The following TEX36 variants were observed in gnomAD, a reference collection of about 807,000 sequenced individuals.
The protein encoded by TEX36 is testis expressed 36, also known as testis-expressed protein 36.
A neutral mutation model predicts 13.6 loss-of-function variants in TEX36; 12 were observed. That is an observed-to-expected ratio of 0.88 (90% CI 0.56 to 1.43). The LOEUF is 1.43. Ranked by LOEUF, TEX36 falls within the 40% of genes most tolerant of loss-of-function variation. TEX36 has a pLI of 0.00. For synonymous variants in TEX36, 93 were observed against 83.0 expected (o/e 1.12, Z -0.65); for missense variants, 224 against 228.3 (o/e 0.98, Z 0.12).
intron 3 of TEX36, among the ~76,000 whole-genome samples, chr10:125,640,993 A>T (rs1227664106): frequency 6.7e-6 from 1 of 149,610 alleles, no homozygotes; most frequent in East Asian, 2.0e-4. Flanking sequence ...GGAATCTTCA[A>T]TATGGGACCA....
chr10:125,632,478 C>T (rs923400602), intron 3 of TEX36, among the ~76,000 whole-genome samples: 5 of 152,118 alleles, frequency 3.3e-5, no homozygotes, highest in Admixed American at 1.3e-4. Flanking sequence ...GCTGGATAAA[C>T]GGCTCTCTAC....
intron 3 of TEX36, chr10:125,640,255 TTTGTGTTC>T: frequency 2.0e-6 from 2 of 975,634 alleles, no homozygotes; most frequent in Non-Finnish European, 2.4e-6. Context: ...GAAAATAGGA[TTTGTGTTC>T]TTGTGCCTGT....
intron 3 of TEX36, among the ~76,000 whole-genome samples, chr10:125,659,454 G>A (rs1846996651): frequency 6.6e-6 from 1 of 152,212 alleles, no homozygotes; most frequent in African/African-American, 2.4e-5. Context: ...AAATAAGGGT[G>A]TGAATTTATT....
intron 3 of TEX36, among the ~76,000 whole-genome samples, chr10:125,642,914 G>T (rs2133577211): frequency 6.6e-6 from 1 of 152,306 alleles, no homozygotes; most frequent in Non-Finnish European, 1.5e-5. Flanking sequence ...TCTATGACAA[G>T]TGATCTCAAT....
At chr10:125,626,974 C>T (rs1190850452) in intron 3 of TEX36, among the ~76,000 whole-genome samples, 1 of 152,072 alleles carries the variant, frequency 6.6e-6, no homozygotes, top group South Asian at 2.1e-4. Context: ...AGGGAGTTTC[C>T]GGAGGGGGCT....
chr10:125,623,580 A>G (rs1464142057), intron 3 of TEX36, among the ~76,000 whole-genome samples: 1 of 97,148 alleles, frequency 1.0e-5, no homozygotes, highest in African/African-American at 5.3e-5. Flanking sequence ...TTTCCAAATG[A>G]AAAAAAAAAA....
intron 1 of TEX36, among the ~76,000 whole-genome samples, chr10:125,662,885 T>A (rs1022593367): frequency 6.6e-6 from 1 of 152,148 alleles, no homozygotes; most frequent in African/African-American, 2.4e-5. Flanking sequence ...CTAGCTCTTA[T>A]GGCAAGAGAA....
chr10:125,655,579 G>T, downstream of TEX36: 1 of 711,644 alleles, frequency 1.4e-6, no homozygotes, highest in Non-Finnish European at 1.8e-6. Context: ...AGGACATACA[G>T]GATTGGAGAT....
At chr10:125,605,868 C>T (rs1335992871) in intron 3 of TEX36, among the ~76,000 whole-genome samples, 2 of 152,248 alleles carry the variant, frequency 1.3e-5, no homozygotes, top group Non-Finnish European at 2.9e-5. Flanking sequence ...TCCCAAAGGG[C>T]TGGGCTTACA....
chr10:125,674,075 C>T (rs1447754364), intron 1 of TEX36, among the ~76,000 whole-genome samples: 2 of 152,188 alleles, frequency 1.3e-5, no homozygotes, highest in Non-Finnish European at 2.9e-5. Context: ...TAGGTTTGGT[C>T]TTATTACATA....
intron 3 of TEX36, among the ~76,000 whole-genome samples, chr10:125,637,010 T>C (rs1294999631): frequency 6.6e-6 from 1 of 151,940 alleles, no homozygotes; most frequent in Non-Finnish European, 1.5e-5. Flanking sequence ...CTCAGATAAG[T>C]AGAATTATAG....
intron 1 of TEX36, among the ~76,000 whole-genome samples, chr10:125,680,504 C>G (rs1008970792): frequency 6.6e-6 from 1 of 152,098 alleles, no homozygotes; most frequent in Non-Finnish European, 1.5e-5. Context: ...ATTTTTGCTT[C>G]GTTCAGTCAC....
At chr10:125,608,972 T>C (rs1178495775) in intron 3 of TEX36, among the ~76,000 whole-genome samples, 2 of 83,370 alleles carry the variant, frequency 2.4e-5, no homozygotes, top group Non-Finnish European at 4.8e-5. Flanking sequence ...CCACCTCTAC[T>C]AAAAAAAAAA....
intron 3 of TEX36, among the ~76,000 whole-genome samples, chr10:125,588,178 A>T (rs1026573344): frequency 6.6e-6 from 1 of 152,230 alleles, no homozygotes; most frequent in African/African-American, 2.4e-5. Context: ...GACATTTGTA[A>T]TTTGGATAGA....
At chr10:125,591,841 C>T (rs1446659819) in intron 3 of TEX36, among the ~76,000 whole-genome samples, 1 of 152,132 alleles carries the variant, frequency 6.6e-6, no homozygotes, top group Non-Finnish European at 1.5e-5. Context: ...ACCTTCCCTG[C>T]TTGTATGAGA....
intron 3 of TEX36, among the ~76,000 whole-genome samples, chr10:125,614,078 T>C (rs1173104341): frequency 2.0e-5 from 3 of 152,260 alleles, no homozygotes; most frequent in East Asian, 3.8e-4. Flanking sequence ...ATAAATGTCT[T>C]CTTTTGAGAA....
intron 3 of TEX36, among the ~76,000 whole-genome samples, chr10:125,637,241 C>T (rs900973234): frequency 6.6e-6 from 1 of 150,890 alleles, no homozygotes; most frequent in Non-Finnish European, 1.5e-5. Flanking sequence ...CCTGAGAAGT[C>T]GAGGCTGCAA....
At chr10:125,618,431 G>T (rs544340891), downstream of TEX36, among the ~76,000 whole-genome samples, 237 of 152,228 alleles carry the variant, frequency 1.6e-3, no homozygotes, top group Non-Finnish European at 2.6e-3. Flanking sequence ...TCTACTTTTG[G>T]TCTTTGATGA....
chr10:125,576,687 A>G, exon 4 of TEX36: 1 of 1,528,190 alleles, frequency 6.5e-7, no homozygotes, highest in Non-Finnish European at 8.8e-7. Flanking sequence ...CTTCCCAACT[A>G]ATACACATTC....
Sources: allele counts gnomAD v4.1 joint callset (sites outside exome capture counted in the v4.1 genomes callset), GRCh38; gene constraint gnomAD v4.1.1; transcripts MANE v1.5; gene names NCBI Gene and HGNC (gene_info 2026-07-23, HGNC 2026-07-21).